Variants in ATR observed in about 807,000 individuals in gnomAD.
ATR encodes ATR checkpoint kinase, also known as serine/threonine-protein kinase ATR.
ATR carries 142 observed loss-of-function variants against 305.3 expected under a neutral mutation model. The ratio of observed to expected loss-of-function variants is 0.47; its 90% CI spans 0.41 to 0.53. The LOEUF is 0.53. Among genes scored for constraint, ATR ranks in the 20% least tolerant of loss-of-function variants. The probability of loss-of-function intolerance (pLI) is 0.00; values close to 1 mark genes in which losing one functional copy is unlikely to be tolerated. For synonymous variants in ATR, 1,050 were observed against 1,068.1 expected, an observed-to-expected ratio of 0.98 and a Z score of 0.33; for missense variants, 2,135 against 3,133.1, an observed-to-expected ratio of 0.68 and a Z score of 7.60.
intron 32 of ATR, among the ~76,000 whole-genome samples, chr3:142,497,521 A>C (rs957375929): frequency 7.9e-5 from 12 of 151,918 alleles, no homozygotes; most frequent in Admixed American, 7.9e-4. Context: ...ATGCCTGTGA[A>C]TAGCCACTGC....
At chr3:142,565,787 T>C (rs1260752090) in intron 3 of ATR, among the ~76,000 whole-genome samples, 2 of 147,284 alleles carry the variant, frequency 1.4e-5, no homozygotes, top group African/African-American at 5.0e-5. Context: ...CAAAACTTTG[T>C]TCACAAAAAC....
chr3:142,554,095 A>G, intron 10 of ATR, 80 bp from the exon 11 acceptor site: 1 of 1,208,994 alleles, frequency 8.3e-7, no homozygotes, highest in Non-Finnish European at 1.2e-6. Flanking sequence ...TCAACAAATA[A>G]TATGCCATGA....
intron 36 of ATR, among the ~76,000 whole-genome samples, chr3:142,470,984 G>C (rs1469141078): frequency 6.6e-6 from 1 of 152,126 alleles, no homozygotes; most frequent in Non-Finnish European, 1.5e-5. Context: ...GTACAGTTCA[G>C]TGTTATATTA....
At chr3:142,452,885 T>C in intron 46 of ATR, 2 of 1,351,780 alleles carry the variant, frequency 1.5e-6, no homozygotes, top group Non-Finnish European at 1.9e-6. Context: ...CTGTGAATTG[T>C]CTATGGTTAA....
At chr3:142,553,056 G>A (rs1014912565) in intron 13 of ATR, among the ~76,000 whole-genome samples, 171 bp downstream of exon 13, 5 of 151,916 alleles carry the variant, frequency 3.3e-5, no homozygotes, top group Non-Finnish European at 7.4e-5. Flanking sequence ...ACCACGACAC[G>A]TTTACCTATG....
rs2108257718 is a variant in ATR, at chr3:142,457,740, C to T, written c.7519G>A (p.Val2507Ile). The change falls in exon 45 of 47, where the codon GTT (valine) becomes ATT (isoleucine). Residue 2507 changes from valine (V) to isoleucine (I), a missense_variant. Transcript: ENST00000350721. Reference protein sequence around the residue: ...CLFNKGETFEVPEIVPFRLTH... With the variant: ...CLFNKGETFEIPEIVPFRLTH... ...AGGCGAAATGGCACAATTTCTGGAA[C>T]TTCAAAGGTTTCTCCCTTAGAAACA... 1 of 1,613,942 alleles carries T rather than the reference C, an allele frequency of 6.2e-7. No homozygotes were observed. The highest frequency in any genetic ancestry group is 2.2e-5 in the East Asian group (1 of 44,864).
At chr3:142,508,180 T>G in intron 27 of ATR, 71 bp from the exon 28 acceptor site, 1 of 1,306,910 alleles carries the variant, frequency 7.7e-7, no homozygotes, top group Non-Finnish European at 1.1e-6. Flanking sequence ...TTTAAGTATT[T>G]AAGTTCAATT....
intron 36 of ATR, among the ~76,000 whole-genome samples, chr3:142,480,022 A>G (rs940087121): frequency 7.2e-5 from 11 of 152,096 alleles, no homozygotes; most frequent in Admixed American, 2.6e-4. Context: ...CTTCTTTGCC[A>G]TGGGTTCCAA....
At chr3:142,482,761 A>C (rs929387221) in intron 36 of ATR, among the ~76,000 whole-genome samples, 2 of 151,910 alleles carry the variant, frequency 1.3e-5, no homozygotes, top group Non-Finnish European at 2.9e-5. Context: ...ACTTGAGCCC[A>C]GAGTTCAAGG....
At chr3:142,451,537 T>C (rs922472088) in intron 46 of ATR, 3 of 1,374,280 alleles carry the variant, frequency 2.2e-6, no homozygotes, top group African/African-American at 1.5e-5. Context: ...CCAACACCTA[T>C]ATCCAGAGTG....
At chr3:142,553,136 G>T in intron 13 of ATR, 91 bp downstream of exon 13, 1 of 1,462,150 alleles carries the variant, frequency 6.8e-7, no homozygotes, top group Non-Finnish European at 9.4e-7. Flanking sequence ...AGAAAAGCAA[G>T]CAAAATAAAA....
rs1490583794 is a variant in ATR at position 142,556,005 on chromosome 3, A to C, written c.2213T>G (p.Val738Gly). ...LTEPFSEHGH[V>G]DLFCRNLKAT... The stretch of plus-strand genomic sequence containing the variant: ...TTTCAAGTTCCTACAGAAGAGGTCC[A>C]CATGTCCGTGTTCAGAGAAAGGTTC... Residue 738 changes from valine (V) to glycine (G), a missense_variant, in exon 10 of 47, where the codon GTG (valine) becomes GGG (glycine). This residue lies in a region of ATR where 744 missense variants were observed against 873.2 expected (regional missense o/e 0.85). Coordinates refer to ENST00000350721, the MANE Select transcript of ATR (RefSeq NM_001184.4). The C allele has an allele frequency of 6.2e-7, 1 of 1,614,138 alleles. No homozygotes were observed. Among genetic ancestry groups the C allele is most frequent in the South Asian group, 1.1e-5 (1 of 91,076 alleles).
intron 21 of ATR, among the ~76,000 whole-genome samples, chr3:142,525,427 TA>T (rs943372254): frequency 1.7e-4 from 25 of 148,148 alleles, no homozygotes; most frequent in South Asian, 2.2e-4. Context: ...CTCCTACAGT[TA>T]AAAAAAAAAC....
Position 142,506,551 on chromosome 3 carries a change from G to C in ATR, c.5032-1248C>G, listed in dbSNP as rs116965129. Among the ~76,000 whole-genome samples the C allele has an allele frequency of 5.7e-3, 870 of 152,202 alleles. 46 individuals are homozygous for C. In the East Asian group the frequency reaches 0.12, roughly 21 times the overall value. On this transcript the variant is annotated intron_variant, in intron 28 of 46. Coordinates refer to ENST00000350721, the MANE Select transcript of ATR (RefSeq NM_001184.4). The stretch of plus-strand genomic sequence containing the variant: ...AAAATACAAAAAATTAGCCAGGTGT[G>C]GTAGCAGCGCCTGTGGTCCCAGCTG...
intron 46 of ATR, chr3:142,450,324 A>C: frequency 3.6e-6 from 4 of 1,106,332 alleles, no homozygotes; most frequent in Non-Finnish European, 5.3e-6. Flanking sequence ...CACTTGAGCC[A>C]TGTGCGTGAA....
intron 34 of ATR, 25 bp downstream of exon 34, chr3:142,496,336 A>ATATATGTATATATC (rs531114901): frequency 3.8e-6 from 2 of 522,178 alleles, no homozygotes; most frequent in African/African-American, 6.9e-5. Flanking sequence ...ATATATATAT[A>ATATATGTATATATC]TGATGACATT....
At position 142,522,715 on chromosome 3, in the gene ATR, T is replaced by C; in HGVS notation, c.4266+13A>G. The C allele has an allele frequency of 6.3e-7, 1 of 1,580,778 alleles. No individual in the cohort carries two copies. Among genetic ancestry groups the C allele is most frequent in the Non-Finnish European group, 8.7e-7 (1 of 1,149,774 alleles). On this transcript the variant is annotated intron_variant, in intron 23 of 46. Transcript: ENST00000350721. ...AACAATTTAAAGCCAGTAATGACTA[T>C]ATCCACTCTTACCTGAATGGCATAG...
rs2034657077 is a variant in ATR, at chr3:142,556,000, G to T, written c.2218C>A (p.Leu740Ile). The T allele has an allele frequency of 6.2e-7, 1 of 1,613,954 alleles. No individual in the cohort carries two copies. Among genetic ancestry groups the T allele is most frequent in the Non-Finnish European group, 8.5e-7 (1 of 1,179,962 alleles). The change falls in exon 10 of 47, where the codon CTC becomes ATC. Residue 740 changes from leucine to isoleucine, a missense_variant. This residue lies in a region of ATR where 744 missense variants were observed against 873.2 expected (regional missense o/e 0.85). Transcript: ENST00000350721. ...EPFSEHGHVDLFCRNLKATSQ... is the reference protein window; with the variant it reads ...EPFSEHGHVDIFCRNLKATSQ... ...GTGGCTTTCAAGTTCCTACAGAAGA[G>T]GTCCACATGTCCGTGTTCAGAGAAA...
At chr3:142,450,663 T>C in intron 46 of ATR, 1 of 1,602,982 alleles carries the variant, frequency 6.2e-7, no homozygotes, top group Non-Finnish European at 8.5e-7. Flanking sequence ...ATGGTCAGTA[T>C]TATGCAATTT....
Sources: allele counts gnomAD v4.1 joint callset (sites outside exome capture counted in the v4.1 genomes callset), GRCh38; gene constraint gnomAD v4.1.1; regional missense constraint gnomAD v4.1.1; transcripts MANE v1.5; gene names NCBI Gene and HGNC (gene_info 2026-07-23, HGNC 2026-07-21).